Variants in SUCLA2 observed in about 807,000 individuals in gnomAD.
SUCLA2 encodes succinate--CoA ligase [ADP-forming] subunit beta, mitochondrial.
SUCLA2 carries 30 observed loss-of-function variants against 54.8 expected under a neutral mutation model. That is an observed-to-expected ratio of 0.55 (90% CI 0.41 to 0.74). The LOEUF (loss-of-function observed/expected upper bound fraction) is 0.74. Ranked by LOEUF, SUCLA2 falls within the 30% of genes least tolerant of loss-of-function variation. The pLI is 0.00. For synonymous variants in SUCLA2, 172 were observed against 188.9 expected (o/e 0.91, Z 0.74); for missense variants, 476 against 562.9 (o/e 0.85, Z 1.56).
At chr13:47,971,538 C>A (rs1234459447) in intron 5 of SUCLA2, 3 of 244,904 alleles carry the variant, frequency 1.2e-5, no homozygotes, top group Non-Finnish European at 1.5e-5. Flanking sequence ...ATATTAAACT[C>A]AATGGGGGCT....
chr13:47,983,252 A>G (rs1950073161), intron 4 of SUCLA2, among the ~76,000 whole-genome samples: 1 of 152,244 alleles, frequency 6.6e-6, no homozygotes, highest in African/African-American at 2.4e-5. Flanking sequence ...TTCAAATGAA[A>G]GGGTATTCTT....
At chr13:47,990,172 A>C (rs1041068311) in intron 2 of SUCLA2, among the ~76,000 whole-genome samples, 1 of 152,100 alleles carries the variant, frequency 6.6e-6, no homozygotes, top group Non-Finnish European at 1.5e-5. Flanking sequence ...ATATGGTGAA[A>C]TCTCATCTCT....
intron 6 of SUCLA2, among the ~76,000 whole-genome samples, chr13:47,958,862 C>G (rs1411061013): frequency 6.6e-6 from 1 of 152,126 alleles, no homozygotes; most frequent in Non-Finnish European, 1.5e-5. Flanking sequence ...CAGAAGTAAT[C>G]TAGATAAACT....
chr13:47,943,471 C>T (rs997260311), intron 10 of SUCLA2, 26 bp from the exon 11 acceptor site: 8 of 1,611,766 alleles, frequency 5.0e-6, no homozygotes, highest in African/African-American at 2.7e-5. Flanking sequence ...GAAGAATTTT[C>T]ACAAAAAGGT....
intron 5 of SUCLA2, 30 bp downstream of exon 5, chr13:47,973,234 A>G: frequency 6.3e-7 from 1 of 1,596,332 alleles, no homozygotes; most frequent in Non-Finnish European, 8.6e-7. Context: ...TCTAATCATA[A>G]GCTAGAAATT....
At chr13:47,970,950 G>A (rs1949957678) in intron 5 of SUCLA2, among the ~76,000 whole-genome samples, 1 of 151,768 alleles carries the variant, frequency 6.6e-6, no homozygotes, top group South Asian at 2.1e-4. Context: ...TAAGGAGAAT[G>A]GTGTGAACCC....
chr13:47,945,647 C>CACACACAG (rs1566079687), intron 10 of SUCLA2: 1 of 47,212 alleles, frequency 2.1e-5, no homozygotes, highest in Non-Finnish European at 4.8e-5. Context: ...AAGGGAGACA[C>CACACACAG]ACACACACAC....
Position 47,943,294 on chromosome 13 carries a change from GAAC to G in SUCLA2, c.*74_*76del. 1.4e-6 allele frequency: 2 copies of G among 1,425,754 alleles called. No homozygotes were observed. The highest frequency in any genetic ancestry group is 2.0e-6 in the Non-Finnish European group (2 of 1,010,548). The allele number at this position is 1,425,754 out of a possible 1,614,324, so 88.3% of individuals were successfully genotyped here. On this transcript the variant is annotated 3_prime_UTR_variant, in exon 11 of 11. Transcript: ENST00000646932. ...AATCTCCACACACTAAAAAGAAAAA[GAAC>G]AATAACACAGAACACAGTATTCTTA...
rs1593496143 is a variant in SUCLA2, at chr13:47,981,508, A to G, written c.534+7033T>C. On this transcript the variant is annotated intron_variant, in intron 4 of 10. Transcript: ENST00000646932. ...AAAACTGGAAGCTTTGTCTGCTGTT[A>G]GTTGGAATATAAAATGGTACGGCTC... Among the ~76,000 whole-genome samples the G allele has an allele frequency of 4.6e-5, 7 of 152,348 alleles. 1 individual carries two copies. The highest frequency in any genetic ancestry group is 4.6e-4 in the Admixed American group (7 of 15,312).
intron 2 of SUCLA2, among the ~76,000 whole-genome samples, chr13:47,993,416 C>T (rs1051860530): frequency 6.6e-6 from 1 of 152,172 alleles, no homozygotes; most frequent in Admixed American, 6.5e-5. Flanking sequence ...GCTCACCAAC[C>T]TTCATTTTGG....
At chr13:47,993,299 T>TA (rs1436835433) in intron 2 of SUCLA2, among the ~76,000 whole-genome samples, 6 of 152,334 alleles carry the variant, frequency 3.9e-5, no homozygotes, top group East Asian at 1.9e-4. Flanking sequence ...TATGAACTGT[T>TA]AGAGATAATT....
intron 6 of SUCLA2, among the ~76,000 whole-genome samples, chr13:47,957,960 G>A (rs1949835543): frequency 6.6e-6 from 1 of 152,168 alleles, no homozygotes; most frequent in South Asian, 2.1e-4. Flanking sequence ...ATATAGTCAT[G>A]AGAAATTAGA....
intron 2 of SUCLA2, among the ~76,000 whole-genome samples, chr13:47,989,342 C>A (rs1163108324): frequency 6.6e-6 from 1 of 151,998 alleles, no homozygotes; most frequent in African/African-American, 2.4e-5. Context: ...TCCCGAGTAG[C>A]TGGGACTACA....
intron 1 of SUCLA2, chr13:48,000,907 C>T: frequency 2.2e-6 from 3 of 1,350,550 alleles, no homozygotes; most frequent in Non-Finnish European, 2.9e-6. Context: ...CAGAGCCCAC[C>T]TGCTCCCGCC....
At chr13:47,997,162 A>G in intron 1 of SUCLA2, 139 bp from the exon 2 acceptor site, 1 of 872,980 alleles carries the variant, frequency 1.1e-6, no homozygotes, top group Non-Finnish European at 1.8e-6. Flanking sequence ...GAATTACAGC[A>G]TAAAACTAAA....
At chr13:47,983,736 G>A (rs546807692) in intron 4 of SUCLA2, among the ~76,000 whole-genome samples, 1 of 152,044 alleles carries the variant, frequency 6.6e-6, no homozygotes, top group Admixed American at 6.6e-5. Context: ...TGATCCACCC[G>A]CCTCGGCCTC....
At chr13:47,973,692 A>G (rs1949986107) in intron 4 of SUCLA2, among the ~76,000 whole-genome samples, 2 of 152,232 alleles carry the variant, frequency 1.3e-5, no homozygotes, top group Non-Finnish European at 2.9e-5. Context: ...AACCAACCCA[A>G]ATGCCCATCA....
At chr13:47,949,089 G>A (rs1949757194) in intron 9 of SUCLA2, 61 bp from the exon 10 acceptor site, 1 of 1,539,174 alleles carries the variant, frequency 6.5e-7, no homozygotes, top group Non-Finnish European at 9.0e-7. Context: ...ATTTTAAAAT[G>A]TTTGCCAAAA....
intron 4 of SUCLA2, among the ~76,000 whole-genome samples, chr13:47,975,061 T>A (rs1265221706): frequency 6.6e-6 from 1 of 151,990 alleles, no homozygotes; most frequent in African/African-American, 2.4e-5. Flanking sequence ...CCAAATAAAA[T>A]TTTTTTACAA....
Sources: gnomAD v4.1 joint callset for allele counts (sites outside exome capture counted in the v4.1 genomes callset) on GRCh38, gnomAD v4.1.1 for gene constraint, MANE v1.5 for transcripts, NCBI Gene and HGNC (gene_info 2026-07-23, HGNC 2026-07-21) for gene names.